Variants in MYRIP observed in about 807,000 individuals in gnomAD.
MYRIP encodes the protein rab effector MyRIP.
In MYRIP, 49 loss-of-function variants were observed where a neutral mutation model predicts 98.0. The observed-to-expected ratio is 0.50, with a 90% CI of 0.40 to 0.63. MYRIP has a LOEUF of 0.63. MYRIP is among the 30% of genes least tolerant of loss of function. The probability of loss-of-function intolerance (pLI) is 0.00; values close to 1 mark genes in which losing one functional copy is unlikely to be tolerated. For synonymous variants in MYRIP, 404 were observed against 409.5 expected (o/e 0.99, Z 0.16); for missense variants, 1,004 against 1,058.2 (o/e 0.95, Z 0.71).
intron 11 of MYRIP, among the ~76,000 whole-genome samples, chr3:40,225,880 T>C (rs962060756): frequency 6.6e-6 from 1 of 152,340 alleles, no homozygotes; most frequent in East Asian, 1.9e-4. Context: ...CCTCTCCCTG[T>C]AATTTCTCTT....
intron 1 of MYRIP, among the ~76,000 whole-genome samples, chr3:39,827,409 A>G (rs188743531): frequency 2.5e-4 from 38 of 152,318 alleles, no homozygotes; most frequent in African/African-American, 9.1e-4. Context: ...CACCGCATCA[A>G]GCCAGGTCTT....
Position 40,030,878 on chromosome 3 carries a change from C to T in MYRIP, c.111-13172C>T, listed in dbSNP as rs948113157. ...TCTTTTTGATGCGATGAAAATGTTACGGAGTAAGACAGTAGTGGTGGTTGC... is the reference window on the plus strand; with the variant it reads ...TCTTTTTGATGCGATGAAAATGTTATGGAGTAAGACAGTAGTGGTGGTTGC... On this transcript the variant is annotated intron_variant, in intron 2 of 16. Coordinates refer to ENST00000302541, the MANE Select transcript of MYRIP (RefSeq NM_015460.4). Among the ~76,000 whole-genome samples the T allele has an allele frequency of 7.9e-5, 12 of 152,002 alleles. 1 individual carries two copies. The highest frequency in any genetic ancestry group is 2.2e-4 in the African/African-American group (9 of 41,406).
chr3:40,164,195 T>C (rs1054620713), intron 5 of MYRIP, among the ~76,000 whole-genome samples: 1 of 152,178 alleles, frequency 6.6e-6, no homozygotes, highest in Admixed American at 6.5e-5. Flanking sequence ...CTGTTTTCAA[T>C]CTTACACTTT....
intron 3 of MYRIP, among the ~76,000 whole-genome samples, chr3:40,083,311 AG>A (rs1397363397): frequency 6.6e-6 from 1 of 152,174 alleles, no homozygotes; most frequent in Non-Finnish European, 1.5e-5. Flanking sequence ...TTCCTCTTGA[AG>A]GATTGGGGAG....
chr3:39,898,824 T>G (rs760503103), intron 1 of MYRIP, among the ~76,000 whole-genome samples: 42 of 152,206 alleles, frequency 2.8e-4, no homozygotes, highest in Non-Finnish European at 5.3e-4. Context: ...ATAATCATTA[T>G]TGTTATTTTT....
intron 2 of MYRIP, among the ~76,000 whole-genome samples, chr3:39,957,766 A>G (rs970916214): frequency 6.6e-6 from 1 of 152,198 alleles, no homozygotes; most frequent in Non-Finnish European, 1.5e-5. Context: ...ACATGATTGT[A>G]TATTTAGAAA....
chr3:40,004,984 A>G (rs1028329566), intron 2 of MYRIP, among the ~76,000 whole-genome samples: 5 of 151,980 alleles, frequency 3.3e-5, no homozygotes, highest in African/African-American at 1.2e-4. Context: ...CTTCATGTCC[A>G]TACTTAATAT....
chr3:40,046,781 G>A (rs1276532149), intron 3 of MYRIP, among the ~76,000 whole-genome samples: 5 of 152,018 alleles, frequency 3.3e-5, no homozygotes, highest in East Asian at 3.9e-4. Context: ...AACCCTAGCC[G>A]TTATTAAAGT....
At chr3:39,936,463 T>A (rs1944657277) in intron 2 of MYRIP, among the ~76,000 whole-genome samples, 1 of 152,144 alleles carries the variant, frequency 6.6e-6, no homozygotes, top group Non-Finnish European at 1.5e-5. Context: ...ATGGCTCAGA[T>A]GTGCACTCAC....
intron 1 of MYRIP, among the ~76,000 whole-genome samples, chr3:39,874,343 G>A (rs1198242354): frequency 6.6e-6 from 1 of 151,544 alleles, no homozygotes; most frequent in African/African-American, 2.4e-5. Context: ...TCCTTCTCCT[G>A]CCTAATTGCC....
chr3:39,812,729 T>C (rs1940740540), intron 1 of MYRIP, among the ~76,000 whole-genome samples: 1 of 152,276 alleles, frequency 6.6e-6, no homozygotes, highest in Non-Finnish European at 1.5e-5. Flanking sequence ...TTGGTGTTGT[T>C]GCCACATGGT....
At chr3:40,186,679 C>A (rs1259712043) in intron 9 of MYRIP, among the ~76,000 whole-genome samples, 1 of 152,208 alleles carries the variant, frequency 6.6e-6, no homozygotes, top group Non-Finnish European at 1.5e-5. Flanking sequence ...CAAGTAAAGA[C>A]TTGCAAGTGC....
chr3:40,194,135 G>A (rs1951320226), intron 10 of MYRIP, among the ~76,000 whole-genome samples: 1 of 151,908 alleles, frequency 6.6e-6, no homozygotes, highest in African/African-American at 2.4e-5. Context: ...GGTGTCTTAA[G>A]GCCTTAAATT....
intron 2 of MYRIP, among the ~76,000 whole-genome samples, chr3:39,998,279 A>G (rs958856044): frequency 1.1e-4 from 16 of 152,222 alleles, no homozygotes; most frequent in Non-Finnish European, 2.2e-4. Flanking sequence ...ATGTCTAGGA[A>G]ACACCATCAT....
intron 3 of MYRIP, among the ~76,000 whole-genome samples, chr3:40,096,349 T>C (rs1641174592): frequency 6.6e-6 from 1 of 152,164 alleles, no homozygotes; most frequent in Non-Finnish European, 1.5e-5. Flanking sequence ...TATTTTCTCA[T>C]GTCTCTCTTC....
At position 39,836,246 on chromosome 3, in the gene MYRIP, C is replaced by T. The variant is rs1941620188; in HGVS notation, c.-31+26330C>T. ...GTGTTCCTCTTTCTCCACATCCTCT[C>T]CAGCATCTTTGTTTCCTGACTTTTT... is the stretch of plus-strand genomic sequence containing the variant. On this transcript the variant is annotated intron_variant, in intron 1 of 16. Coordinates refer to ENST00000302541, the MANE Select transcript of MYRIP (RefSeq NM_015460.4). Among the ~76,000 whole-genome samples, 5 of 152,288 alleles carry T rather than the reference C, an allele frequency of 3.3e-5. 1 individual carries two copies. In the South Asian group the frequency reaches 1.0e-3, roughly 32 times the overall value.
intron 1 of MYRIP, among the ~76,000 whole-genome samples, chr3:39,888,945 C>A (rs1356298273): frequency 6.6e-6 from 1 of 152,104 alleles, no homozygotes; most frequent in Non-Finnish European, 1.5e-5. Flanking sequence ...CCATCACTGG[C>A]CATCAGAGAA....
intron 3 of MYRIP, among the ~76,000 whole-genome samples, chr3:40,052,965 C>T (rs1056683137): frequency 9.9e-5 from 15 of 152,042 alleles, no homozygotes; most frequent in African/African-American, 3.6e-4. Context: ...AGGAAATATA[C>T]AATCAATGAT....
At chr3:39,968,261 C>T (rs1445369366) in intron 2 of MYRIP, among the ~76,000 whole-genome samples, 2 of 151,674 alleles carry the variant, frequency 1.3e-5, no homozygotes, top group Non-Finnish European at 2.9e-5. Flanking sequence ...TCTCGGCTCA[C>T]TGCAACCTCC....
Sources: gnomAD v4.1 joint callset for allele counts (sites outside exome capture counted in the v4.1 genomes callset) on GRCh38, gnomAD v4.1.1 for gene constraint, MANE v1.5 for transcripts, NCBI Gene and HGNC (gene_info 2026-07-23, HGNC 2026-07-21) for gene names.